Variants in KCNIP4 observed in about 807,000 individuals in gnomAD.
KCNIP4 encodes the protein potassium voltage-gated channel interacting protein 4.
Under a neutral mutation model 34.0 loss-of-function variants are expected in KCNIP4, and 12 were observed. The observed-to-expected ratio is 0.35, with a 90% confidence interval of 0.23 to 0.57. The LOEUF is 0.57. Ranked by LOEUF, KCNIP4 falls within the 20% of genes least tolerant of loss-of-function variation. KCNIP4 has a pLI of 0.83. For missense variants in KCNIP4, 238 were observed against 311.7 expected (o/e 0.76, Z 1.78); for synonymous variants, 124 against 102.2 (o/e 1.21, Z -1.29).
At chr4:21,660,979 T>C (rs1422575705) in intron 1 of KCNIP4, among the ~76,000 whole-genome samples, 1 of 152,084 alleles carries the variant, frequency 6.6e-6, no homozygotes, top group Non-Finnish European at 1.5e-5. Context: ...AATGTTGCCT[T>C]TTCCAAGACC....
chr4:20,840,606 G>A lies in KCNIP4; in HGVS notation c.288+9937C>T, dbSNP rs553708221. On this transcript the variant is annotated intron_variant, in intron 3 of 8. Transcript: ENST00000382152. ...GCAGATGACCCAGTGGAGGAAGCTG[G>A]CACCATAGGCAATAGTGGAACCACG... 7.2e-5 allele frequency among the ~76,000 whole-genome samples: 11 copies of A among 152,198 alleles called. No homozygotes were observed. The South Asian group carries it at 1.9e-3, about 26-fold the overall frequency.
intron 1 of KCNIP4, among the ~76,000 whole-genome samples, chr4:20,946,171 AAC>A (rs1431589619): frequency 6.6e-6 from 1 of 152,140 alleles, no homozygotes; most frequent in African/African-American, 2.4e-5. Flanking sequence ...TTGAAAAGCA[AAC>A]ATATGTCCAG....
chr4:21,722,689 G>A (rs1011491999), intron 1 of KCNIP4, among the ~76,000 whole-genome samples: 4 of 152,110 alleles, frequency 2.6e-5, no homozygotes, highest in Admixed American at 1.3e-4. Flanking sequence ...GGTTACTGCC[G>A]TGCTAGAGGG....
intron 1 of KCNIP4, among the ~76,000 whole-genome samples, chr4:20,908,878 C>T (rs1165504188): frequency 6.6e-6 from 1 of 152,182 alleles, no homozygotes; most frequent in Non-Finnish European, 1.5e-5. Flanking sequence ...ATGAAAAGTG[C>T]TTTATTTACT....
intron 1 of KCNIP4, among the ~76,000 whole-genome samples, chr4:21,745,902 CAG>C: frequency 6.6e-6 from 1 of 152,224 alleles, no homozygotes; most frequent in Non-Finnish European, 1.5e-5. Context: ...AGGTAAAAAA[CAG>C]TGTTTTTGTT....
chr4:21,463,681 C>T (rs1160143861), intron 1 of KCNIP4, among the ~76,000 whole-genome samples: 1 of 151,938 alleles, frequency 6.6e-6, no homozygotes, highest in Non-Finnish European at 1.5e-5. Context: ...TTTTCTTGTG[C>T]TGTTTTTACC....
chr4:20,845,425 C>T (rs949092391), intron 3 of KCNIP4, among the ~76,000 whole-genome samples: 1 of 152,126 alleles, frequency 6.6e-6, no homozygotes, highest in African/African-American at 2.4e-5. Flanking sequence ...CTTCCCCTGC[C>T]CACAATAAAT....
chr4:20,962,772 T>C (rs1733972946), intron 1 of KCNIP4, among the ~76,000 whole-genome samples: 1 of 152,200 alleles, frequency 6.6e-6, no homozygotes, highest in Non-Finnish European at 1.5e-5. Flanking sequence ...AGATGAGCGA[T>C]AACAGGATTT....
chr4:21,798,323 G>C (rs1313360988), intron 1 of KCNIP4, among the ~76,000 whole-genome samples: 1 of 150,488 alleles, frequency 6.6e-6, no homozygotes, highest in East Asian at 1.9e-4. Flanking sequence ...AGGCCGAGGT[G>C]GGAAGATTGC....
chr4:21,052,971 GAGAA>G (rs1743055193), intron 1 of KCNIP4, among the ~76,000 whole-genome samples: 1 of 151,788 alleles, frequency 6.6e-6, no homozygotes, highest in African/African-American at 2.4e-5. Flanking sequence ...AGATGAGAGA[GAGAA>G]AGAGAGAGAT....
chr4:21,078,385 A>G (rs1048361386), intron 1 of KCNIP4, among the ~76,000 whole-genome samples: 14 of 152,088 alleles, frequency 9.2e-5, no homozygotes, highest in Non-Finnish European at 1.5e-4. Flanking sequence ...GTCTGAGATC[A>G]TAAATGTCAG....
intron 1 of KCNIP4, among the ~76,000 whole-genome samples, chr4:21,790,507 T>A (rs1720206418): frequency 6.6e-6 from 1 of 152,180 alleles, no homozygotes; most frequent in Non-Finnish European, 1.5e-5. Flanking sequence ...TGACAACTTA[T>A]GTTCCACTTC....
rs188245914 is a variant in KCNIP4, at chr4:20,783,902, G to T, written c.289-25012C>A. ...TTTCATCAGCACTGTTTTTTGTTTG[G>T]TTGGTTGGTTGTTTTGAGCCCTTAC... On this transcript the variant is annotated intron_variant, in intron 3 of 8. Coordinates refer to ENST00000382152, the MANE Select transcript of KCNIP4 (RefSeq NM_025221.6). Among the ~76,000 whole-genome samples the T allele has an allele frequency of 1.5e-3, 224 of 152,168 alleles. 2 individuals are homozygous for T. Among genetic ancestry groups the T allele is most frequent in the East Asian group, 0.011 (58 of 5,176 alleles).
intron 1 of KCNIP4, among the ~76,000 whole-genome samples, chr4:21,506,965 G>C (rs1733898663): frequency 6.6e-6 from 1 of 151,616 alleles, no homozygotes; most frequent in South Asian, 2.1e-4. Flanking sequence ...CTTTTTTTGT[G>C]TGTGTGCAGA....
intron 1 of KCNIP4, among the ~76,000 whole-genome samples, chr4:21,504,500 AAAGAAAGG>A (rs1560467038): frequency 6.8e-6 from 1 of 146,072 alleles, no homozygotes; most frequent in African/African-American, 2.6e-5. Context: ...AGAAAGAAAG[AAAGAAAGG>A]AAGGAAGGAA....
At chr4:21,309,474 C>A (rs759484816) in intron 1 of KCNIP4, among the ~76,000 whole-genome samples, 9 of 152,036 alleles carry the variant, frequency 5.9e-5, no homozygotes, top group African/African-American at 9.7e-5. Flanking sequence ...TATGTACTCA[C>A]AAAATTAAAA....
At chr4:21,816,513 C>A (rs757190526) in intron 1 of KCNIP4, among the ~76,000 whole-genome samples, 2 of 152,158 alleles carry the variant, frequency 1.3e-5, no homozygotes, top group Non-Finnish European at 2.9e-5. Context: ...AGAGCTTTAG[C>A]GTTTCAGACA....
At chr4:20,913,787 A>G (rs532042687) in intron 1 of KCNIP4, among the ~76,000 whole-genome samples, 36 of 152,308 alleles carry the variant, frequency 2.4e-4, no homozygotes, top group Admixed American at 1.4e-3. Flanking sequence ...TCATCTGTAA[A>G]TGGGATAATA....
chr4:21,600,087 T>C (rs1386934848), intron 1 of KCNIP4, among the ~76,000 whole-genome samples: 1 of 152,086 alleles, frequency 6.6e-6, no homozygotes, highest in East Asian at 1.9e-4. Flanking sequence ...CTTCATTCCC[T>C]TACTCCCTCT....
Sources: gnomAD v4.1 joint callset for allele counts (sites outside exome capture counted in the v4.1 genomes callset) on GRCh38, gnomAD v4.1.1 for gene constraint, MANE v1.5 for transcripts, NCBI Gene and HGNC (gene_info 2026-07-23, HGNC 2026-07-21) for gene names.